The following TMEM177 variants were observed in gnomAD, a reference collection of about 807,000 sequenced individuals.
TMEM177 encodes transmembrane protein 177.
In TMEM177, 4 loss-of-function variants were observed where a neutral mutation model predicts 14.2. The ratio of observed to expected loss-of-function variants is 0.28; its 90% CI spans 0.14 to 0.64. The LOEUF is 0.64. Among genes scored for constraint, TMEM177 ranks in the 30% least tolerant of loss-of-function variants. The pLI is 0.82. For missense variants in TMEM177, 344 were observed against 405.2 expected (o/e 0.85, Z 1.30); for synonymous variants, 179 against 174.5 (o/e 1.03, Z -0.20).
chr2:119,710,910 C>T, the TMEM177 span, among the ~76,000 whole-genome samples: 4 of 152,106 alleles, frequency 2.6e-5, no homozygotes, highest in Non-Finnish European at 5.9e-5. Flanking sequence ...ACGCCCGGCC[C>T]AACACCTGCC....
At chr2:119,691,174 C>T (rs911676973), downstream of TMEM177, among the ~76,000 whole-genome samples, 1 of 152,206 alleles carries the variant, frequency 6.6e-6, no homozygotes, top group African/African-American at 2.4e-5. Flanking sequence ...AGCCTCTGGC[C>T]TCAGAGCCAG....
chr2:119,709,977 C>T, the TMEM177 span, among the ~76,000 whole-genome samples: 6 of 152,066 alleles, frequency 3.9e-5, no homozygotes, highest in South Asian at 1.0e-3. Context: ...TGGTGGCCGC[C>T]GGGGACTGGG....
downstream of TMEM177, among the ~76,000 whole-genome samples, chr2:119,683,172 G>C (rs1209965370): frequency 1.3e-5 from 2 of 152,244 alleles, no homozygotes; most frequent in Non-Finnish European, 2.9e-5. Context: ...ACACCTCCCT[G>C]CTGGGCCCCT....
At chr2:119,687,344 A>G (rs1053247697), downstream of TMEM177, among the ~76,000 whole-genome samples, 3 of 152,218 alleles carry the variant, frequency 2.0e-5, no homozygotes, top group Admixed American at 6.5e-5. Context: ...GACTGCATGT[A>G]TTAATCCATT....
downstream of TMEM177, among the ~76,000 whole-genome samples, chr2:119,684,328 GT>G (rs1325893174): frequency 1.3e-5 from 2 of 152,144 alleles, no homozygotes; most frequent in Middle Eastern, 3.2e-3. Flanking sequence ...TCACTCACAC[GT>G]TGCTTCTCCC....
chr2:119,693,537 G>A, the TMEM177 span, among the ~76,000 whole-genome samples: 2 of 152,162 alleles, frequency 1.3e-5, no homozygotes, highest in Non-Finnish European at 2.9e-5. Context: ...CACTCAGACC[G>A]TCCACAGGCA....
chr2:119,717,607 T>A, the TMEM177 span, among the ~76,000 whole-genome samples: 1 of 39,200 alleles, frequency 2.6e-5, no homozygotes, highest in Non-Finnish European at 7.9e-5. Flanking sequence ...ACTTGAGTCT[T>A]TTTTTTTTTT....
chr2:119,717,064 C>T, the TMEM177 span, among the ~76,000 whole-genome samples: 2 of 152,240 alleles, frequency 1.3e-5, no homozygotes, highest in Admixed American at 1.3e-4. Context: ...ACAAAAGGGA[C>T]AGGCTTTTGC....
At chr2:119,685,696 A>G (rs1178044196), downstream of TMEM177, 1 of 718,048 alleles carries the variant, frequency 1.4e-6, no homozygotes, top group Admixed American at 2.0e-5. Context: ...AATTTGCCCT[A>G]AATCATAAAA....
chr2:119,723,175 T>TA, the TMEM177 span, among the ~76,000 whole-genome samples: 4 of 152,272 alleles, frequency 2.6e-5, no homozygotes, highest in Non-Finnish European at 5.9e-5. Flanking sequence ...AAATGCTTTA[T>TA]AAAAAAGCCA....
At chr2:119,696,529 T>TA in the TMEM177 span, among the ~76,000 whole-genome samples, 1 of 152,186 alleles carries the variant, frequency 6.6e-6, no homozygotes, top group African/African-American at 2.4e-5. Flanking sequence ...TGCCTGCTCT[T>TA]ATATTCTAGT....
chr2:119,685,144 A>T (rs72967106), downstream of TMEM177, among the ~76,000 whole-genome samples: 6,599 of 151,858 alleles, frequency 0.043, 268 homozygotes, highest in African/African-American at 0.11. Flanking sequence ...AGAGCAACCA[A>T]AAACAGACCC....
rs1374962664 is a variant in TMEM177 at position 119,681,940 on chromosome 2, A to G, written c.*151A>G. On this transcript the variant is annotated 3_prime_UTR_variant, in exon 2 of 2. Coordinates refer to ENST00000272521, the MANE Select transcript of TMEM177 (RefSeq NM_030577.3). ...TAGCTTAGATTGTACTATAACCACTACTTATGAACTCAGGGACTATGAGGG... is the reference window on the plus strand; with the variant it reads ...TAGCTTAGATTGTACTATAACCACTGCTTATGAACTCAGGGACTATGAGGG... 5 of 669,846 alleles carry G rather than the reference A, an allele frequency of 7.5e-6. No individual in the cohort carries two copies. The highest frequency in any genetic ancestry group is 1.3e-5 in the Non-Finnish European group (5 of 387,398). The allele number at this position is 669,846 out of a possible 1,614,324, so 41.5% of individuals were successfully genotyped here. A position where few individuals can be genotyped will look rare whatever the true frequency, so the allele number is the denominator to read the frequency against.
chr2:119,720,656 C>T, the TMEM177 span, among the ~76,000 whole-genome samples: 15 of 152,124 alleles, frequency 9.9e-5, no homozygotes, highest in Middle Eastern at 3.4e-3. Flanking sequence ...TTTTTTTGGA[C>T]GCCTGAAATT....
chr2:119,683,977 G>A (rs1027928707), downstream of TMEM177, among the ~76,000 whole-genome samples: 9 of 143,748 alleles, frequency 6.3e-5, no homozygotes, highest in African/African-American at 2.1e-4. Context: ...AGTAGCTCTC[G>A]GCTCCATCCC....
Position 119,681,479 on chromosome 2 carries a change from C to T in TMEM177, c.626C>T (p.Ala209Val). Residue 209 changes from alanine to valine, a missense_variant, in exon 2 of 2, where the codon GCA (alanine) becomes GTA (valine). By Grantham distance (64) the Ala-to-Val change is moderately conservative. Coordinates refer to ENST00000272521, the MANE Select transcript of TMEM177 (RefSeq NM_030577.3). ...NLRAAFSLVA[A>V]VAGFVAYAFS... ...CGGGCTGCCTTCAGCTTGGTGGCAG[C>T]AGTGGCAGGCTTTGTGGCCTACGCC... 5 of 1,613,462 alleles carry T rather than the reference C, an allele frequency of 3.1e-6. No individual in the cohort carries two copies. The highest frequency in any genetic ancestry group is 1.1e-5 in the South Asian group (1 of 91,088).
the TMEM177 span, among the ~76,000 whole-genome samples, chr2:119,719,853 G>A: frequency 6.6e-6 from 1 of 152,144 alleles, no homozygotes; most frequent in Non-Finnish European, 1.5e-5. Context: ...GTGTACAGTG[G>A]TGCAATCATA....
In TMEM177 at chr2:119,681,019, C is replaced by T; in HGVS notation, c.166C>T (p.Pro56Ser). ...YQYWPQGQPAPLPPQLQSLFQ... is the reference protein window; with the variant it reads ...YQYWPQGQPASLPPQLQSLFQ... ...GTACTGGCCTCAGGGCCAGCCAGCT[C>T]CGCTCCCTCCACAGCTGCAGAGCCT... Residue 56 changes from proline to serine, a missense_variant, in exon 2 of 2, where the codon CCG becomes TCG. By Grantham distance (74) the Pro-to-Ser change is moderately conservative (BLOSUM62 -1). Transcript: ENST00000272521. 6.2e-7 allele frequency: 1 copy of T among 1,614,230 alleles called. No individual in the cohort carries two copies.
At chr2:119,696,234 C>T in the TMEM177 span, among the ~76,000 whole-genome samples, 2 of 152,174 alleles carry the variant, frequency 1.3e-5, no homozygotes, top group African/African-American at 4.8e-5. Flanking sequence ...GCTCAGTCCT[C>T]AGGGATTAAA....
Sources: gnomAD v4.1 joint callset for allele counts (sites outside exome capture counted in the v4.1 genomes callset) on GRCh38, gnomAD v4.1.1 for gene constraint, MANE v1.5 for transcripts, NCBI Gene and HGNC (gene_info 2026-07-23, HGNC 2026-07-21) for gene names.